Variants in LIMD1 observed in about 807,000 individuals in gnomAD.
The protein encoded by LIMD1 is LIM domain containing 1.
In LIMD1, 23 loss-of-function variants were observed where a neutral mutation model predicts 58.4. The observed-to-expected ratio is 0.39, with a 90% CI of 0.28 to 0.56. The LOEUF (loss-of-function observed/expected upper bound fraction) is 0.56. Ranked by LOEUF, LIMD1 falls within the 20% of genes least tolerant of loss-of-function variation. LIMD1 has a pLI of 0.57. For missense variants in LIMD1, 838 were observed against 855.5 expected (o/e 0.98, Z 0.25); for synonymous variants, 334 against 345.5 (o/e 0.97, Z 0.37).
intron 1 of LIMD1, among the ~76,000 whole-genome samples, chr3:45,598,532 C>T (rs1701379168): frequency 6.6e-6 from 1 of 152,194 alleles, no homozygotes; most frequent in South Asian, 2.1e-4. Context: ...ATCTTGAGGC[C>T]ATGCTCTATT....
chr3:45,654,948 CTCACTCTG>C (rs1559523342), intron 2 of LIMD1, among the ~76,000 whole-genome samples: 30 of 140,420 alleles, frequency 2.1e-4, no homozygotes, highest in African/African-American at 7.4e-4. Flanking sequence ...AAGACATAGT[CTCACTCTG>C]TCACCCAGGC....
At chr3:45,649,709 CAT>C (rs200476222) in intron 2 of LIMD1, among the ~76,000 whole-genome samples, 14 of 135,184 alleles carry the variant, frequency 1.0e-4, no homozygotes, top group African/African-American at 2.7e-4. Flanking sequence ...TATATGTATA[CAT>C]ATATATATAT....
rs536471519 is a variant in LIMD1 at position 45,629,686 on chromosome 3, G to A, written c.1409-6464G>A. On this transcript the variant is annotated intron_variant, in intron 1 of 7. Coordinates refer to ENST00000273317, the MANE Select transcript of LIMD1 (RefSeq NM_014240.3). ...TGGACGGCGAGAGGAACACATCAGC[G>A]GAAGAAGATACAAGCAGCTGGATGG... Among the ~76,000 whole-genome samples, 9 of 152,248 alleles carry A rather than the reference G, an allele frequency of 5.9e-5. No homozygotes were observed. The South Asian group carries it at 6.2e-4, about 11-fold the overall frequency.
Position 45,636,194 on chromosome 3 carries a change from G to A in LIMD1, c.1453G>A (p.Ala485Thr). 6.2e-7 allele frequency: 1 copy of A among 1,612,950 alleles called. No homozygotes were observed. Among genetic ancestry groups the A allele is most frequent in the Non-Finnish European group, 8.5e-7 (1 of 1,179,486 alleles). ...CAAAGGGGTGTTTGGGGCTGGCCAG[G>A]CCTGTCAGGCCATGGGGAACCTCTA... is the stretch of plus-strand genomic sequence containing the variant. ...CSKGVFGAGQACQAMGNLYHD... is the reference protein window; with the variant it reads ...CSKGVFGAGQTCQAMGNLYHD... The change falls in exon 2 of 8, where the codon GCC becomes ACC. Residue 485 changes from alanine (A) to threonine (T), a missense_variant. Ala to Thr is a moderately conservative substitution (Grantham distance 58, BLOSUM62 0). Around this residue, in one of 3 missense-constraint regions of LIMD1, gnomAD observed 659 missense variants for 639.8 expected, o/e 1.03. Transcript: ENST00000273317.
intron 1 of LIMD1, among the ~76,000 whole-genome samples, chr3:45,599,173 C>A (rs1345378496): frequency 6.6e-6 from 1 of 152,010 alleles, no homozygotes; most frequent in African/African-American, 2.4e-5. Context: ...ATGAAATTCA[C>A]ATAATGTAAA....
chr3:45,615,481 A>G (rs1194071362), intron 1 of LIMD1, among the ~76,000 whole-genome samples: 1 of 152,078 alleles, frequency 6.6e-6, no homozygotes, highest in African/African-American at 2.4e-5. Context: ...CCACTAAGTA[A>G]TTTCTGGCTG....
At chr3:45,625,720 G>C (rs1053093876) in intron 1 of LIMD1, among the ~76,000 whole-genome samples, 1 of 152,136 alleles carries the variant, frequency 6.6e-6, no homozygotes, top group Admixed American at 6.5e-5. Context: ...CCCCTTCCCT[G>C]CTTTCTCTTG....
At chr3:45,667,144 C>T (rs572537058) in intron 3 of LIMD1, among the ~76,000 whole-genome samples, 2 of 152,336 alleles carry the variant, frequency 1.3e-5, no homozygotes, top group African/African-American at 2.4e-5. Context: ...GTTTCACATC[C>T]GATGGGCAAG....
chr3:45,647,184 G>C (rs1238372171), intron 2 of LIMD1, among the ~76,000 whole-genome samples: 2 of 152,180 alleles, frequency 1.3e-5, no homozygotes, highest in Non-Finnish European at 2.9e-5. Flanking sequence ...GTGTATGTTT[G>C]CTTTTATGCC....
intron 2 of LIMD1, among the ~76,000 whole-genome samples, chr3:45,665,098 C>A (rs1697499010): frequency 6.6e-6 from 1 of 152,052 alleles, no homozygotes; most frequent in Non-Finnish European, 1.5e-5. Flanking sequence ...CCCACTCCCG[C>A]CTACTCGTTT....
intron 2 of LIMD1, among the ~76,000 whole-genome samples, chr3:45,647,348 A>C (rs189860568): frequency 6.6e-6 from 1 of 152,328 alleles, no homozygotes; most frequent in African/African-American, 2.4e-5. Context: ...GTGAACTCTT[A>C]CCATGGGAGC....
intron 2 of LIMD1, among the ~76,000 whole-genome samples, chr3:45,646,516 G>A (rs1471334697): frequency 6.6e-6 from 1 of 152,196 alleles, no homozygotes; most frequent in African/African-American, 2.4e-5. Flanking sequence ...ATCTAACACA[G>A]CAGCTACTGG....
chr3:45,646,663 C>T (rs1375609318), intron 2 of LIMD1, among the ~76,000 whole-genome samples: 1 of 151,112 alleles, frequency 6.6e-6, no homozygotes, highest in Non-Finnish European at 1.5e-5. Flanking sequence ...CTGTATTGGA[C>T]TGCATGTAAA....
chr3:45,613,181 C>T (rs374724554), intron 1 of LIMD1, among the ~76,000 whole-genome samples: 4 of 152,146 alleles, frequency 2.6e-5, no homozygotes, highest in Middle Eastern at 3.2e-3. Flanking sequence ...TCTTCAGGCA[C>T]GAGCTACAGG....
At position 45,674,345 on chromosome 3, in the gene LIMD1, C is replaced by T. The variant is rs1221813296; in HGVS notation, c.1827C>T (p.Gly609=). 2 of 1,613,806 alleles carry T rather than the reference C, an allele frequency of 1.2e-6. No individual in the cohort carries two copies. The highest frequency in any genetic ancestry group is 2.2e-5 in the South Asian group (2 of 91,068). Residue 609 remains glycine, a splice_region_variant and synonymous_variant, in exon 7 of 8, where the codon GGC becomes GGT. Coordinates refer to ENST00000273317, the MANE Select transcript of LIMD1 (RefSeq NM_014240.3). Reference sequence around the variant, plus strand: ...TTCTTGCTTTTCTCTGGTCCCAGGGCTCAGATGAGACCATCCGTGTCGTGT... The same window carrying T: ...TTCTTGCTTTTCTCTGGTCCCAGGGTTCAGATGAGACCATCCGTGTCGTGT... ...ACGLPILPPE[G]SDETIRVVSM...
At chr3:45,667,058 T>C (rs1460068649) in intron 3 of LIMD1, among the ~76,000 whole-genome samples, 1 of 152,176 alleles carries the variant, frequency 6.6e-6, no homozygotes, top group Non-Finnish European at 1.5e-5. Flanking sequence ...TGGCCGTGTA[T>C]CTCAGTGTTA....
In LIMD1 at chr3:45,686,269, A is replaced by G. The variant is rs11130073; in HGVS notation, c.*9210A>G. On this transcript the variant is annotated 3_prime_UTR_variant, in exon 8 of 8. Transcript: ENST00000273317. ...TAAAAGAAAATCTAGCCCTTTCCTC[A>G]GGGCTGAGAAAATTTTGAGTGTTAG... 0.96 allele frequency: 145,286 copies of G among 151,612 alleles called. 69,616 individuals are homozygous for G. Among genetic ancestry groups the G allele is most frequent in the Middle Eastern group, 0.98 (289 of 294 alleles). 9.4% of individuals were successfully genotyped at this position (151,612 alleles called of 1,614,324 possible).
At chr3:45,662,569 A>C (rs1173181298) in intron 2 of LIMD1, among the ~76,000 whole-genome samples, 3 of 152,178 alleles carry the variant, frequency 2.0e-5, no homozygotes, top group Admixed American at 6.5e-5. Flanking sequence ...TATTATATAA[A>C]AATTGGAATC....
rs191101864 is a variant in LIMD1, at chr3:45,622,390, C to T, written c.1409-13760C>T. On this transcript the variant is annotated intron_variant, in intron 1 of 7. Coordinates refer to ENST00000273317, the MANE Select transcript of LIMD1 (RefSeq NM_014240.3). ...GCCTGAAACTGTGGGTAGTACTGAA[C>T]CCTATACACACTGTGACTTTTCCTG... is the stretch of plus-strand genomic sequence containing the variant. Among the ~76,000 whole-genome samples, 35 of 152,294 alleles carry T rather than the reference C, an allele frequency of 2.3e-4. No homozygotes were observed. In the South Asian group the frequency reaches 3.1e-3, roughly 14 times the overall value.
Sources: gnomAD v4.1 joint callset for allele counts (sites outside exome capture counted in the v4.1 genomes callset) on GRCh38, gnomAD v4.1.1 for gene constraint, gnomAD v4.1.1 regional missense constraint, MANE v1.5 for transcripts, NCBI Gene and HGNC (gene_info 2026-07-23, HGNC 2026-07-21) for gene names.